Variants in RFWD3 observed in about 807,000 individuals in gnomAD.
RFWD3 encodes ring finger and WD repeat domain 3.
Under a neutral mutation model 87.7 loss-of-function variants are expected in RFWD3, and 65 were observed. The ratio of observed to expected loss-of-function variants is 0.74; its 90% CI spans 0.61 to 0.91. RFWD3 has a LOEUF of 0.91. Among genes scored for constraint, RFWD3 ranks in the 40% least tolerant of loss-of-function variants. RFWD3 has a pLI of 0.00. For synonymous variants in RFWD3, 433 were observed against 352.8 expected, an observed-to-expected ratio of 1.23 and a Z score of -2.55; for missense variants, 1,078 against 938.5, an observed-to-expected ratio of 1.15 and a Z score of -1.94.
At chr16:74,644,192 C>T in intron 6 of RFWD3, 170 bp downstream of exon 6, 1 of 680,840 alleles carries the variant, frequency 1.5e-6, no homozygotes, top group Non-Finnish European at 2.6e-6. Flanking sequence ...AGAAGATGAT[C>T]AGACATGAAT....
chr16:74,651,295 G>C (rs763223728), intron 3 of RFWD3, among the ~76,000 whole-genome samples: 1 of 152,144 alleles, frequency 6.6e-6, no homozygotes, highest in Admixed American at 6.6e-5. Flanking sequence ...CCTAGACAGG[G>C]TGCTGAATTT....
intron 6 of RFWD3, among the ~76,000 whole-genome samples, chr16:74,641,291 T>G (rs1196097693): frequency 6.6e-6 from 1 of 151,864 alleles, no homozygotes. Context: ...GTCTCCCGAG[T>G]AGCTGGGACT....
At chr16:74,653,959 T>C (rs1960768775) in intron 2 of RFWD3, among the ~76,000 whole-genome samples, 1 of 152,214 alleles carries the variant, frequency 6.6e-6, no homozygotes, top group Non-Finnish European at 1.5e-5. Flanking sequence ...TCAAGTTGCT[T>C]TTCTTTTTTG....
Position 74,632,633 on chromosome 16 carries a change from G to A in RFWD3, c.1467C>T (p.Ser489=), listed in dbSNP as rs764091102. 2 of 1,614,050 alleles carry A rather than the reference G, an allele frequency of 1.2e-6. No individual in the cohort carries two copies. Among genetic ancestry groups the A allele is most frequent in the South Asian group, 2.2e-5 (2 of 91,066 alleles). ...TGCCATGCATCGGAATGTACTGACT[G>A]CTCTTCATGTTGGCAGTACTCAACA... is the stretch of plus-strand genomic sequence containing the variant. The part of the protein sequence containing the change: ...VKMLSTANMK[S]SQYIPMHGKQ... The change falls in exon 9 of 13, where the codon AGC becomes AGT. Residue 489 remains serine (S), a synonymous_variant. Transcript: ENST00000361070.
At chr16:74,630,725 A>G in intron 10 of RFWD3, 56 bp downstream of exon 10, 2 of 1,475,484 alleles carry the variant, frequency 1.4e-6, no homozygotes, top group East Asian at 2.4e-5. Context: ...CGATTAACAC[A>G]ATAATAAGCC....
intron 2 of RFWD3, among the ~76,000 whole-genome samples, chr16:74,655,956 G>T (rs1178337392): frequency 6.6e-6 from 1 of 152,060 alleles, no homozygotes; most frequent in Non-Finnish European, 1.5e-5. Context: ...ATATATTACT[G>T]CTCATTGACA....
intron 8 of RFWD3, among the ~76,000 whole-genome samples, chr16:74,635,730 G>A (rs945017675): frequency 6.6e-6 from 1 of 152,170 alleles, no homozygotes; most frequent in East Asian, 1.9e-4. Flanking sequence ...TAAAGCAAAG[G>A]GGTCTTGCAG....
chr16:74,638,821 G>C (rs372736984), intron 6 of RFWD3, among the ~76,000 whole-genome samples: 1 of 152,142 alleles, frequency 6.6e-6, no homozygotes, highest in African/African-American at 2.4e-5. Flanking sequence ...GGCATGTTCT[G>C]AGAAACATGT....
In RFWD3 at chr16:74,660,832, A is replaced by C. The variant is rs1368305336; in HGVS notation, c.518+100T>G. On this transcript the variant is annotated intron_variant, in intron 2 of 12. Coordinates refer to ENST00000361070, the MANE Select transcript of RFWD3 (RefSeq NM_018124.4). ...GGAACTGGGGGTCAGAAGTTACCTG[A>C]CTTGCCAAAAGTCACACTGTCAGTC... The C allele has an allele frequency of 3.6e-6, 5 of 1,376,632 alleles. No individual in the cohort carries two copies. In the African/African-American group the frequency reaches 7.2e-5, roughly 20 times the overall value. The allele number at this position is 1,376,632 out of a possible 1,614,324, so 85.3% of individuals were successfully genotyped here. A position where few individuals can be genotyped will look rare whatever the true frequency, so the allele number is the denominator to read the frequency against.
chr16:74,629,117 G>A (rs1037926312), intron 10 of RFWD3, among the ~76,000 whole-genome samples: 2 of 152,190 alleles, frequency 1.3e-5, no homozygotes, highest in Non-Finnish European at 2.9e-5. Flanking sequence ...AAACAGGACT[G>A]TTTTAGGTTT....
At chr16:74,629,566 G>A (rs1373639749) in intron 10 of RFWD3, among the ~76,000 whole-genome samples, 1 of 152,050 alleles carries the variant, frequency 6.6e-6, no homozygotes, top group Non-Finnish European at 1.5e-5. Context: ...GGTGGAGGAT[G>A]CAGTGATCCA....
chr16:74,646,143 G>A (rs1269939833), intron 4 of RFWD3, among the ~76,000 whole-genome samples: 1 of 152,186 alleles, frequency 6.6e-6, no homozygotes. Flanking sequence ...GGGAGGCCAA[G>A]GCAGGAGGAT....
chr16:74,658,060 T>C (rs1049758563), intron 2 of RFWD3, among the ~76,000 whole-genome samples: 1 of 152,186 alleles, frequency 6.6e-6, no homozygotes, highest in Non-Finnish European at 1.5e-5. Flanking sequence ...AAAGGGGAAC[T>C]GTGAAAACCA....
At position 74,661,291 on chromosome 16, in the gene RFWD3, G is replaced by A. The variant is rs1368869518; in HGVS notation, c.159C>T (p.Leu53=). 2 of 1,613,868 alleles carry A rather than the reference G, an allele frequency of 1.2e-6. No individual in the cohort carries two copies. The highest frequency in any genetic ancestry group is 1.1e-5 in the South Asian group (1 of 91,080). ...TGATCACCTCAGCAGGAGCTGGCTG[G>A]AGGATGGATGGTACCCCCTGGCTGC... is the stretch of plus-strand genomic sequence containing the variant. ...VVSSQGVPSI[L]QPAPAEVISS... The change falls in exon 2 of 13, where the codon CTC becomes CTT. Residue 53 remains leucine, a synonymous_variant. Transcript: ENST00000361070.
intron 8 of RFWD3, among the ~76,000 whole-genome samples, chr16:74,633,658 A>G (rs1002976425): frequency 4.6e-5 from 7 of 152,054 alleles, no homozygotes; most frequent in Non-Finnish European, 8.8e-5. Flanking sequence ...GCGGTAATAC[A>G]TATGTTCATG....
rs1377461861 is a variant in RFWD3 at position 74,661,470 on chromosome 16, T to TA, written c.-2-20dup. 1.3e-6 allele frequency: 2 copies of TA among 1,559,040 alleles called. No individual in the cohort carries two copies. Among genetic ancestry groups the TA allele is most frequent in the Non-Finnish European group, 1.7e-6 (2 of 1,153,824 alleles). ...GCCATCACTAGAGAAACAGTATTTG[T>TA]AAAAAGTATTAATAAAATAGATAAA... On this transcript the variant is annotated intron_variant, in intron 1 of 12. Coordinates refer to ENST00000361070, the MANE Select transcript of RFWD3 (RefSeq NM_018124.4).
At chr16:74,628,179 A>C (rs955254200) in intron 11 of RFWD3, among the ~76,000 whole-genome samples, 1 of 152,076 alleles carries the variant, frequency 6.6e-6, no homozygotes, top group South Asian at 2.1e-4. Context: ...TTGTTCCACT[A>C]CTGTTCTAAA....
chr16:74,628,751 C>T, intron 10 of RFWD3, 85 bp from the exon 11 acceptor site: 1 of 1,212,670 alleles, frequency 8.2e-7, no homozygotes, highest in Non-Finnish European at 1.2e-6. Context: ...AGCACATTCC[C>T]ACCTCTGCAG....
chr16:74,643,669 GTTTTTTT>G (rs35397997), intron 6 of RFWD3, among the ~76,000 whole-genome samples: 6 of 105,054 alleles, frequency 5.7e-5, no homozygotes, highest in African/African-American at 7.8e-5. Context: ...ACTAGCAACT[GTTTTTTT>G]TTTTTTTTTT....
Sources: allele counts gnomAD v4.1 joint callset (sites outside exome capture counted in the v4.1 genomes callset), GRCh38; gene constraint gnomAD v4.1.1; transcripts MANE v1.5; gene names NCBI Gene and HGNC (gene_info 2026-07-23, HGNC 2026-07-21).